Variants in ATP10B observed in about 807,000 individuals in gnomAD.
ATP10B encodes ATPase phospholipid transporting 10B (putative), also known as phospholipid-transporting ATPase VB.
Under a neutral mutation model 141.2 loss-of-function variants are expected in ATP10B, and 122 were observed. The observed-to-expected ratio is 0.86, with a 90% CI of 0.75 to 1.00. The LOEUF (loss-of-function observed/expected upper bound fraction) is 1.00, where lower values mean the gene tolerates loss of function less well. ATP10B is among the 50% of genes least tolerant of loss of function. ATP10B has a pLI of 0.00. For synonymous variants in ATP10B, 685 were observed against 692.0 expected, an observed-to-expected ratio of 0.99 and a Z score of 0.16; for missense variants, 1,876 against 1,825.3, an observed-to-expected ratio of 1.03 and a Z score of -0.51.
the ATP10B span, among the ~76,000 whole-genome samples, chr5:160,903,768 T>C: frequency 6.6e-5 from 10 of 152,302 alleles, no homozygotes; most frequent in African/African-American, 2.4e-4. Flanking sequence ...GTTGCTTGCC[T>C]GCCCTTCTTG....
the ATP10B span, among the ~76,000 whole-genome samples, chr5:160,867,740 G>A: frequency 2.0e-5 from 3 of 152,162 alleles, no homozygotes; most frequent in Admixed American, 2.0e-4. Context: ...TATAATAGAT[G>A]TGAATCCCCT....
chr5:160,652,958 T>C (rs1221696529), intron 7 of ATP10B, among the ~76,000 whole-genome samples: 1 of 84,836 alleles, frequency 1.2e-5, no homozygotes, highest in Non-Finnish European at 1.9e-5. Context: ...ATATATTATA[T>C]ATACATGTAT....
At chr5:160,744,523 A>T (rs1385379195) in intron 2 of ATP10B, among the ~76,000 whole-genome samples, 1 of 152,192 alleles carries the variant, frequency 6.6e-6, no homozygotes, top group Non-Finnish European at 1.5e-5. Flanking sequence ...CATCTCCCTC[A>T]GTCAATGAGG....
chr5:160,875,351 A>G, the ATP10B span, among the ~76,000 whole-genome samples: 3 of 90,308 alleles, frequency 3.3e-5, no homozygotes, highest in African/African-American at 8.7e-5. Context: ...TTTTGTCACC[A>G]CCAGGCCTGC....
At chr5:160,901,243 G>T in the ATP10B span, among the ~76,000 whole-genome samples, 2 of 151,998 alleles carry the variant, frequency 1.3e-5, no homozygotes, top group Non-Finnish European at 2.9e-5. Flanking sequence ...CTTCTTCTGG[G>T]TTTGGAACTT....
intron 18 of ATP10B, among the ~76,000 whole-genome samples, chr5:160,609,803 C>G (rs1325241958): frequency 6.6e-6 from 1 of 152,184 alleles, no homozygotes; most frequent in Non-Finnish European, 1.5e-5. Flanking sequence ...CCACAGGAAG[C>G]AGTTCTAGGA....
intron 1 of ATP10B, among the ~76,000 whole-genome samples, chr5:160,833,825 A>C (rs1775259739): frequency 6.6e-6 from 1 of 152,182 alleles, no homozygotes; most frequent in African/African-American, 2.4e-5. Context: ...TTTAAATCTT[A>C]AAAATGACTT....
At position 160,612,914 on chromosome 5, in the gene ATP10B, T is replaced by TC. The variant is rs1309437348; in HGVS notation, c.2664dup (p.Ile889AspfsTer30). ...ACTCCTTCCTGCAGCCGGTCTTCGA[T>TC]CCCAGTGGCTCCTGGAGTGATGAAA... On this transcript the variant is annotated frameshift_variant, in exon 18 of 26. Transcript: ENST00000327245. LOFTEE classifies it high-confidence loss of function. 2 of 1,612,932 alleles carry TC rather than the reference T, an allele frequency of 1.2e-6. No homozygotes were observed. Among genetic ancestry groups the TC allele is most frequent in the East Asian group, 4.5e-5 (2 of 44,862 alleles).
intron 6 of ATP10B, among the ~76,000 whole-genome samples, chr5:160,673,132 C>A (rs1293815947): frequency 6.6e-6 from 1 of 152,108 alleles, no homozygotes; most frequent in African/African-American, 2.4e-5. Flanking sequence ...CTATTGAGAC[C>A]CCTTCTGAGG....
chr5:160,831,412 G>A (rs996432363), intron 1 of ATP10B, among the ~76,000 whole-genome samples: 2 of 152,004 alleles, frequency 1.3e-5, no homozygotes, highest in African/African-American at 4.8e-5. Context: ...AAATAAGCAG[G>A]AGACTTTCCT....
the ATP10B span, among the ~76,000 whole-genome samples, chr5:160,915,905 CTG>C: frequency 0.013 from 1,959 of 152,292 alleles, 41 homozygotes; most frequent in African/African-American, 0.044. Context: ...GAGCTTTCAA[CTG>C]TGTTTTATAC....
intron 24 of ATP10B, among the ~76,000 whole-genome samples, chr5:160,573,214 C>T (rs1054662476): frequency 3.9e-5 from 6 of 152,218 alleles, no homozygotes; most frequent in Non-Finnish European, 8.8e-5. Context: ...TGATCCTTCT[C>T]TCTTTCATTC....
Position 160,620,485 on chromosome 5 carries a change from G to A in ATP10B, c.2278C>T (p.Leu760Phe), listed in dbSNP as rs956923979. 6.2e-7 allele frequency: 1 copy of A among 1,614,242 alleles called. No individual in the cohort carries two copies. Among genetic ancestry groups the A allele is most frequent in the Non-Finnish European group, 8.5e-7 (1 of 1,180,040 alleles). The change falls in exon 15 of 26, where the codon CTC becomes TTC. Residue 760 changes from leucine to phenylalanine, a missense_variant. Leu to Phe is a conservative substitution (Grantham distance 22). Coordinates refer to ENST00000327245, the MANE Select transcript of ATP10B (RefSeq NM_025153.3). ...LPQGTCLTFS[L>F]LCTLGFDSVR... ...GAGTCAAAGCCCAGGGTGCAGAGGA[G>A]GCTGAAGGTGAGGCAGGTGCCCTGG... is the stretch of plus-strand genomic sequence containing the variant.
intron 1 of ATP10B, among the ~76,000 whole-genome samples, chr5:160,819,010 G>A (rs553104711): frequency 2.6e-5 from 4 of 152,170 alleles, no homozygotes; most frequent in South Asian, 2.1e-4. Flanking sequence ...TGGGGGGTGG[G>A]AGTGGGGACG....
At chr5:160,592,483 C>T (rs1001901210) in intron 22 of ATP10B, among the ~76,000 whole-genome samples, 9 of 152,198 alleles carry the variant, frequency 5.9e-5, no homozygotes, top group African/African-American at 9.7e-5. Flanking sequence ...CCAGCATGAG[C>T]GACACAGAAG....
intron 1 of ATP10B, among the ~76,000 whole-genome samples, chr5:160,807,188 G>C (rs1772836550): frequency 6.6e-6 from 1 of 152,168 alleles, no homozygotes; most frequent in Non-Finnish European, 1.5e-5. Context: ...GTATTGTGTT[G>C]CAAAAATAAA....
chr5:160,879,850 C>T, the ATP10B span, among the ~76,000 whole-genome samples: 3 of 151,952 alleles, frequency 2.0e-5, no homozygotes, highest in Non-Finnish European at 4.4e-5. Context: ...AACAAACAAA[C>T]AAACAAAGAA....
At chr5:160,737,628 A>G (rs1206736218) in intron 2 of ATP10B, among the ~76,000 whole-genome samples, 1 of 152,162 alleles carries the variant, frequency 6.6e-6, no homozygotes, top group Admixed American at 6.5e-5. Flanking sequence ...AAAAAGAAAT[A>G]AAAAATCCTA....
chr5:160,741,251 G>T (rs932381616), intron 2 of ATP10B, among the ~76,000 whole-genome samples: 1 of 152,190 alleles, frequency 6.6e-6, no homozygotes, highest in Non-Finnish European at 1.5e-5. Context: ...CTGAAGAAAT[G>T]CTTCAGTAAA....
Sources: allele counts gnomAD v4.1 joint callset (sites outside exome capture counted in the v4.1 genomes callset), GRCh38; gene constraint gnomAD v4.1.1; transcripts MANE v1.5; gene names NCBI Gene and HGNC (gene_info 2026-07-23, HGNC 2026-07-21).